The following PSRC1 variants were observed in gnomAD, a reference collection of about 807,000 sequenced individuals.
PSRC1 encodes proline and serine rich coiled-coil 1, also known as proline/serine-rich coiled-coil protein 1.
A neutral mutation model predicts 31.9 loss-of-function variants in PSRC1; 30 were observed. The observed-to-expected ratio is 0.94, with a 90% CI of 0.70 to 1.28. The LOEUF (loss-of-function observed/expected upper bound fraction) is 1.28. Ranked by LOEUF, PSRC1 falls within the 50% of genes most tolerant of loss-of-function variation. The pLI is 0.00. For missense variants in PSRC1, 481 were observed against 472.8 expected (o/e 1.02, Z -0.16); for synonymous variants, 191 against 192.1 (o/e 0.99, Z 0.05).
exon 5 of PSRC1, chr1:109,280,995 T>C: frequency 6.2e-7 from 1 of 1,609,744 alleles, no homozygotes; most frequent in South Asian, 1.1e-5. Context: ...GCGTTGAGAG[T>C]TGCTGGTAGA....
chr1:109,280,754 C>T (rs369340326), intron 5 of PSRC1, 23 bp downstream of exon 6: 3 of 1,529,900 alleles, frequency 2.0e-6, no homozygotes, highest in Non-Finnish European at 2.7e-6. Flanking sequence ...CAAGGGCGGG[C>T]ATTCTTCCTC....
At position 109,282,257 on chromosome 1, in the gene PSRC1, G is replaced by A. The variant is rs12095374; in HGVS notation, c.78-197C>T. On this transcript the variant is annotated intron_variant, in intron 3 of 6. Transcript: ENST00000409138. ...GGCCTAATAGGCCTTTAGCATTTAC[G>A]GACATCAGAAATGATGCCAGGATGG... 10,250 of 618,918 alleles carry A rather than the reference G, an allele frequency of 0.017. 806 individuals are homozygous for A. In the African/African-American group the frequency reaches 0.17, roughly 10 times the overall value. 38.3% of individuals were successfully genotyped at this position (618,918 alleles called of 1,614,324 possible). A position where few individuals can be genotyped will look rare whatever the true frequency, so the allele number is the denominator to read the frequency against.
exon 4 of PSRC1, chr1:109,281,919 C>G (rs749770643): frequency 1.9e-6 from 3 of 1,604,656 alleles, no homozygotes; most frequent in Non-Finnish European, 1.7e-6. Flanking sequence ...TCTCCTCCAG[C>G]TTCTCTGGAC....
exon 1 of PSRC1, chr1:109,283,098 T>G: frequency 3.5e-6 from 1 of 283,596 alleles, no homozygotes; most frequent in South Asian, 5.6e-5. Flanking sequence ...CCGCGCCGCC[T>G]TATCTTCCAC....
At chr1:109,280,928 C>G (rs756907701) in exon 5 of PSRC1, 1 of 1,613,882 alleles carries the variant, frequency 6.2e-7, no homozygotes, top group Non-Finnish European at 8.5e-7. Flanking sequence ...TGGGGATGGC[C>G]GAGGGAATGG....
chr1:109,280,038 T>C (rs939641587), exon 7 of PSRC1: 1 of 1,411,806 alleles, frequency 7.1e-7, no homozygotes, highest in South Asian at 1.2e-5. Context: ...GTGGCATCTC[T>C]TCCTCCTGTC....
rs1300849343 is a variant in PSRC1 at position 109,280,493 on chromosome 1, C to T, written c.995-4G>A. 6.2e-7 allele frequency: 1 copy of T among 1,608,494 alleles called. No individual in the cohort carries two copies. Reference sequence around the variant, plus strand: ...TTTAGTCGCTGGGAAACAGGAACTTCATGGGGGTTAACAAAAGAAATGAGT... The same window carrying T: ...TTTAGTCGCTGGGAAACAGGAACTTTATGGGGGTTAACAAAAGAAATGAGT... On this transcript the variant is annotated splice_polypyrimidine_tract_variant and splice_region_variant and intron_variant, in intron 5 of 6. Coordinates refer to ENST00000409138, the Ensembl canonical transcript of PSRC1.
chr1:109,280,761 C>A lies in PSRC1; in HGVS notation c.994+16G>T. 1 of 1,540,752 alleles carries A rather than the reference C, an allele frequency of 6.5e-7. No individual in the cohort carries two copies. Among genetic ancestry groups the A allele is most frequent in the Admixed American group, 1.9e-5 (1 of 52,734 alleles). ...ACGCTGGGCAAGGGCGGGCATTCTTCCTCCTGACCTCTTACCCTTGTGTCC... is the reference window on the plus strand; with the variant it reads ...ACGCTGGGCAAGGGCGGGCATTCTTACTCCTGACCTCTTACCCTTGTGTCC... On this transcript the variant is annotated intron_variant, in intron 5 of 6. Coordinates refer to ENST00000409138, the Ensembl canonical transcript of PSRC1.
chr1:109,281,912 C>T, exon 4 of PSRC1: 1 of 1,608,672 alleles, frequency 6.2e-7, no homozygotes, highest in Admixed American at 1.7e-5. Flanking sequence ...TCGAGGATCT[C>T]CTCCAGCTTC....
At position 109,280,379 on chromosome 1, in the gene PSRC1, G is replaced by A; in HGVS notation, c.1088+17C>T. ...CGGGGTAGGGAGACAGGATGGGCAAGGGAGGACCAGACTGACCTGGTAGGT... is the reference window on the plus strand; with the variant it reads ...CGGGGTAGGGAGACAGGATGGGCAAAGGAGGACCAGACTGACCTGGTAGGT... On this transcript the variant is annotated intron_variant, in intron 6 of 6. Coordinates refer to ENST00000409138, the Ensembl canonical transcript of PSRC1. The A allele has an allele frequency of 6.3e-7, 1 of 1,590,932 alleles. No individual in the cohort carries two copies. Among genetic ancestry groups the A allele is most frequent in the Non-Finnish European group, 8.6e-7 (1 of 1,163,382 alleles).
rs554137785 is a variant in PSRC1, at chr1:109,281,411, T to C, written c.520-160A>G. ...ACCACATCACCATCACCATCACTAT[T>C]GCCAATACCATTTATTGAGTTTATC... is the stretch of plus-strand genomic sequence containing the variant. On this transcript the variant is annotated intron_variant, in intron 4 of 6. Transcript: ENST00000409138. 85 of 743,162 alleles carry C rather than the reference T, an allele frequency of 1.1e-4. No homozygotes were observed. In the South Asian group the frequency reaches 1.6e-3, roughly 14 times the overall value. 46.0% of individuals were successfully genotyped at this position (743,162 alleles called of 1,614,324 possible). A position where few individuals can be genotyped will look rare whatever the true frequency, so the allele number is the denominator to read the frequency against.
chr1:109,280,481 A>G (rs1202085067), exon 6 of PSRC1: 3 of 1,612,392 alleles, frequency 1.9e-6, no homozygotes, highest in Non-Finnish European at 2.5e-6. Context: ...AGTCGCTGGG[A>G]AACAGGAACT....
In PSRC1 at chr1:109,281,252, CT is replaced by C; in HGVS notation, c.520-2del. 1 of 1,583,870 alleles carries C rather than the reference CT, an allele frequency of 6.3e-7. No individual in the cohort carries two copies. Among genetic ancestry groups the C allele is most frequent in the Non-Finnish European group, 8.6e-7 (1 of 1,163,160 alleles). On this transcript the variant is annotated splice_acceptor_variant, in intron 4 of 6. Transcript: ENST00000409138. LOFTEE classifies it high-confidence loss of function. ...GGAACAGATTGCAAGTGGGTGACTC[CT>C]GAAACACAAAGAGAGAGAGAAAAAA...
In PSRC1 at chr1:109,282,498, TG is replaced by T; in HGVS notation, c.77+19del. 6.2e-7 allele frequency: 1 copy of T among 1,609,092 alleles called. No homozygotes were observed. The highest frequency in any genetic ancestry group is 8.5e-7 in the Non-Finnish European group (1 of 1,175,584). ...AGAGGTACTGTTAGAGGAAAATAAG[TG>T]GGATAAAGAGGCTGGTACCTGTCAG... is the stretch of plus-strand genomic sequence containing the variant. On this transcript the variant is annotated intron_variant, in intron 3 of 6. Coordinates refer to ENST00000409138, the Ensembl canonical transcript of PSRC1.
intron 4 of PSRC1, 119 bp from the exon 5 acceptor site, chr1:109,281,370 G>A: frequency 1.1e-6 from 1 of 916,138 alleles, no homozygotes. Context: ...AAGGGTAGAA[G>A]TTAGCTGCTA....
intron 3 of PSRC1, 136 bp downstream of exon 3, chr1:109,282,382 G>A (rs1557752111): frequency 2.6e-6 from 2 of 764,428 alleles, no homozygotes; most frequent in Non-Finnish European, 2.2e-6. Context: ...AGAGGCCCGA[G>A]TCAGCCAGCC....
At chr1:109,281,172 C>A (rs766944653) in exon 5 of PSRC1, 1 of 1,613,556 alleles carries the variant, frequency 6.2e-7, no homozygotes, top group Admixed American at 1.7e-5. Context: ...GGCTCTCCCC[C>A]GGACTGGGGG....
At chr1:109,282,851 G>T in intron 1 of PSRC1, 115 bp from the exon 2 acceptor site, 1 of 920,694 alleles carries the variant, frequency 1.1e-6, no homozygotes, top group Non-Finnish European at 1.7e-6. Flanking sequence ...GCGCCCAGGA[G>T]TGGCACCTCC....
exon 4 of PSRC1, chr1:109,281,868 C>T (rs766383213): frequency 1.9e-6 from 3 of 1,612,968 alleles, no homozygotes; most frequent in Non-Finnish European, 2.5e-6. Flanking sequence ...GCAGGGCACA[C>T]TGCTCCAGCT....
Sources: gnomAD v4.1 joint callset for allele counts on GRCh38, gnomAD v4.1.1 for gene constraint, MANE v1.5 for transcripts, NCBI Gene and HGNC (gene_info 2026-07-23, HGNC 2026-07-21) for gene names.